Variants in SP100 observed in about 807,000 individuals in gnomAD.
SP100 encodes the protein nuclear autoantigen Sp-100.
In SP100, 84 loss-of-function variants were observed where a neutral mutation model predicts 130.0. That is an observed-to-expected ratio of 0.65 (90% CI 0.54 to 0.77). SP100 has a LOEUF of 0.77. Ranked by LOEUF, SP100 falls within the 30% of genes least tolerant of loss-of-function variation. SP100 has a pLI of 0.00. For synonymous variants in SP100, 331 were observed against 351.7 expected (o/e 0.94, Z 0.66); for missense variants, 978 against 1,052.2 (o/e 0.93, Z 0.97).
At chr2:230,510,434 C>T (rs1053676745) in intron 23 of SP100, 2 of 138,568 alleles carry the variant, frequency 1.4e-5, no homozygotes, top group Admixed American at 7.9e-5. Context: ...AAGAGTCGGC[C>T]GATTCCCTTT....
chr2:230,491,550 G>A (rs529218823), intron 17 of SP100, among the ~76,000 whole-genome samples: 1 of 152,218 alleles, frequency 6.6e-6, no homozygotes, highest in Non-Finnish European at 1.5e-5. Context: ...TGGAGCTATA[G>A]AGATGGATGC....
rs969597492 is a variant in SP100, at chr2:230,529,230, T to C, written c.2095-10037T>C. 3.3e-5 allele frequency among the ~76,000 whole-genome samples: 5 copies of C among 152,198 alleles called. No homozygotes were observed. The South Asian group carries it at 8.3e-4, about 25-fold the overall frequency. ...AACACATCCAAAAGCTTATCCACCATGATCAAGTCACCTTCATCCCTGGGA... is the reference window on the plus strand; with the variant it reads ...AACACATCCAAAAGCTTATCCACCACGATCAAGTCACCTTCATCCCTGGGA... On this transcript the variant is annotated intron_variant, in intron 24 of 28. Transcript: ENST00000340126.
At chr2:230,523,730 GA>G (rs1691282001) in intron 24 of SP100, among the ~76,000 whole-genome samples, 1 of 152,018 alleles carries the variant, frequency 6.6e-6, no homozygotes, top group African/African-American at 2.4e-5. Context: ...CCAACATGGA[GA>G]AACCTTGTCT....
chr2:230,539,245 A>T (rs756647911), intron 24 of SP100, 22 bp from the exon 25 acceptor site: 3 of 1,496,124 alleles, frequency 2.0e-6, no homozygotes, highest in South Asian at 1.1e-5. Flanking sequence ...GATCCCGGTG[A>T]TGTCTACATC....
intron 8 of SP100, 79 bp downstream of exon 8, chr2:230,450,334 G>A (rs1414850208): frequency 1.9e-6 from 2 of 1,040,956 alleles, no homozygotes; most frequent in Non-Finnish European, 2.9e-6. Flanking sequence ...TTGGTTGGTT[G>A]TTGTTTTACC....
chr2:230,469,659 C>T, intron 14 of SP100: 2 of 828,766 alleles, frequency 2.4e-6, no homozygotes, highest in Non-Finnish European at 3.4e-6. Context: ...GAAAAGAGAG[C>T]TTTGGGGTTA....
chr2:230,522,162 A>T lies in SP100; in HGVS notation c.2094+10996A>T, dbSNP rs375856794. Among the ~76,000 whole-genome samples, 54 of 152,152 alleles carry T rather than the reference A, an allele frequency of 3.5e-4. No homozygotes were observed. The East Asian group carries it at 3.7e-3, about 10-fold the overall frequency. On this transcript the variant is annotated intron_variant, in intron 24 of 28. Transcript: ENST00000340126. ...TTTGCAGGCTGAAAAAGCCCAACCG[A>T]TGGAGAAAGGAAAACACTCTTGACT...
intron 24 of SP100, among the ~76,000 whole-genome samples, chr2:230,519,789 T>A (rs1691087127): frequency 6.6e-6 from 1 of 152,216 alleles, no homozygotes; most frequent in Non-Finnish European, 1.5e-5. Flanking sequence ...ACCAGCTTTT[T>A]CCAATTGTGT....
intron 23 of SP100, chr2:230,509,862 T>C (rs895403551): frequency 1.3e-5 from 2 of 152,216 alleles, no homozygotes; most frequent in African/African-American, 2.4e-5. Flanking sequence ...CACTTGTTCA[T>C]GCACTTATGT....
At chr2:230,440,213 T>C (rs1335459277) in intron 2 of SP100, among the ~76,000 whole-genome samples, 1 of 152,066 alleles carries the variant, frequency 6.6e-6, no homozygotes, top group African/African-American at 2.4e-5. Context: ...AAAGAAACAG[T>C]AAGTCAGTCT....
intron 24 of SP100, among the ~76,000 whole-genome samples, chr2:230,511,477 C>T (rs551410360): frequency 7.8e-4 from 118 of 152,120 alleles, no homozygotes; most frequent in African/African-American, 2.8e-3. Flanking sequence ...GCTGGCCTGC[C>T]GATTAGGGAG....
chr2:230,457,608 A>G lies in SP100; in HGVS notation c.821-3654A>G, dbSNP rs192456060. Reference sequence around the variant, plus strand: ...CCCCAAGCATATTGTATCTTGCTCAATGCTGTGCTTCCTGGAGTTGGGGAA... The same window carrying G: ...CCCCAAGCATATTGTATCTTGCTCAGTGCTGTGCTTCCTGGAGTTGGGGAA... On this transcript the variant is annotated intron_variant, in intron 8 of 28. Coordinates refer to ENST00000340126, the MANE Select transcript of SP100 (RefSeq NM_001080391.2). 2.4e-3 allele frequency among the ~76,000 whole-genome samples: 372 copies of G among 152,246 alleles called. 1 individual carries two copies. The highest frequency in any genetic ancestry group is 3.6e-3 in the Non-Finnish European group (245 of 68,004).
chr2:230,463,912 G>T, intron 10 of SP100, 155 bp from the exon 11 acceptor site: 2 of 555,258 alleles, frequency 3.6e-6, no homozygotes, highest in South Asian at 4.6e-5. Context: ...CACAATGAAG[G>T]TTAGTTGAAA....
intron 24 of SP100, among the ~76,000 whole-genome samples, chr2:230,520,324 G>A (rs1486933361): frequency 4.6e-5 from 7 of 152,174 alleles, no homozygotes; most frequent in African/African-American, 1.4e-4. Context: ...GAGCAAGACT[G>A]CCCTCCCTCA....
At chr2:230,488,084 G>A (rs536198598) in intron 17 of SP100, among the ~76,000 whole-genome samples, 82 of 152,150 alleles carry the variant, frequency 5.4e-4, no homozygotes, top group African/African-American at 2.0e-3. Flanking sequence ...GGAGTTTTGG[G>A]GCTCAGATGA....
intron 2 of SP100, among the ~76,000 whole-genome samples, chr2:230,429,003 G>A (rs1363946141): frequency 6.6e-6 from 1 of 152,128 alleles, no homozygotes; most frequent in Non-Finnish European, 1.5e-5. Flanking sequence ...TACAATATTA[G>A]AGATTTCTGA....
At chr2:230,477,104 A>C (rs2065591177) in intron 17 of SP100, among the ~76,000 whole-genome samples, 1 of 152,084 alleles carries the variant, frequency 6.6e-6, no homozygotes, top group African/African-American at 2.4e-5. Context: ...TGACCTTGTG[A>C]TCTGCCTGCC....
At chr2:230,451,797 A>G (rs554907342) in intron 8 of SP100, among the ~76,000 whole-genome samples, 3,135 of 115,650 alleles carry the variant, frequency 0.027, 47 homozygotes, top group Middle Eastern at 0.072. Context: ...TATTTAGTCC[A>G]TTTTGAGTTA....
At chr2:230,477,157 G>A (rs1386713222) in intron 17 of SP100, among the ~76,000 whole-genome samples, 2 of 152,004 alleles carry the variant, frequency 1.3e-5, no homozygotes, top group Non-Finnish European at 1.5e-5. Context: ...GAGCTACCAC[G>A]CCCGGCCCTC....
Sources: gnomAD v4.1 joint callset for allele counts (sites outside exome capture counted in the v4.1 genomes callset) on GRCh38, gnomAD v4.1.1 for gene constraint, MANE v1.5 for transcripts, NCBI Gene and HGNC (gene_info 2026-07-23, HGNC 2026-07-21) for gene names.